LGR4: variants seen among roughly 807,000 people sequenced by gnomAD.
The protein encoded by LGR4 is leucine-rich repeat-containing G protein-coupled receptor 4.
In LGR4, 44 loss-of-function variants were observed where a neutral mutation model predicts 84.8. That is an observed-to-expected ratio of 0.52 (90% CI 0.41 to 0.67). The LOEUF is 0.67. Among genes scored for constraint, LGR4 ranks in the 30% least tolerant of loss-of-function variants. LGR4 has a pLI of 0.00. For missense variants in LGR4, 1,032 were observed against 1,131.4 expected (o/e 0.91, Z 1.26); for synonymous variants, 429 against 434.3 (o/e 0.99, Z 0.15).
In LGR4 at chr11:27,367,862, G is replaced by C. The variant is rs1398724526; in HGVS notation, c.*5C>G. 6.4e-7 allele frequency: 1 copy of C among 1,573,004 alleles called. No homozygotes were observed. Among genetic ancestry groups the C allele is most frequent in the Non-Finnish European group, 8.6e-7 (1 of 1,164,270 alleles). The stretch of plus-strand genomic sequence containing the variant: ...GACGGGGGAAACGGTTACACACACA[G>C]TAGTTCAGTCTTTAACTCTTGGTAG... On this transcript the variant is annotated 3_prime_UTR_variant, in exon 18 of 18. Transcript: ENST00000379214.
At chr11:27,446,735 C>T (rs1864396627) in intron 1 of LGR4, among the ~76,000 whole-genome samples, 1 of 152,088 alleles carries the variant, frequency 6.6e-6, no homozygotes, top group African/African-American at 2.4e-5. Flanking sequence ...CACATGCACA[C>T]GTATGTTTAT....
chr11:27,415,567 T>G lies in LGR4; in HGVS notation c.186-2707A>C, dbSNP rs551355387. Among the ~76,000 whole-genome samples the G allele has an allele frequency of 3.3e-5, 5 of 152,296 alleles. No individual in the cohort carries two copies. The South Asian group carries it at 1.0e-3, about 32-fold the overall frequency. ...GACTCCATATTTACAAACTAACATA[T>G]GTAAAACACACGGTGAGTTTTTATT... On this transcript the variant is annotated intron_variant, in intron 1 of 17. Coordinates refer to ENST00000379214, the MANE Select transcript of LGR4 (RefSeq NM_018490.5).
chr11:27,459,416 G>A (rs1864638419), intron 1 of LGR4, among the ~76,000 whole-genome samples: 1 of 152,076 alleles, frequency 6.6e-6, no homozygotes, highest in South Asian at 2.1e-4. Context: ...TCACAGCGGG[G>A]GGTTTTTCCT....
At chr11:27,404,337 C>T (rs1010197073) in intron 2 of LGR4, among the ~76,000 whole-genome samples, 2 of 152,168 alleles carry the variant, frequency 1.3e-5, no homozygotes, top group African/African-American at 4.8e-5. Context: ...CATCTTTCAT[C>T]ACCTTCGTTC....
At chr11:27,391,198 GT>G (rs1478742483) in intron 3 of LGR4, 33 bp from the exon 4 acceptor site, 1 of 1,081,982 alleles carries the variant, frequency 9.2e-7, no homozygotes, top group South Asian at 1.4e-5. Context: ...TGAGTAACAA[GT>G]GATAGTTACC....
intron 10 of LGR4, among the ~76,000 whole-genome samples, chr11:27,379,439 C>CT (rs1863050077): frequency 1.3e-5 from 2 of 152,220 alleles, no homozygotes; most frequent in African/African-American, 4.8e-5. Context: ...TCTCTAGTCT[C>CT]TTTCTCCTTA....
At chr11:27,465,926 T>TA (rs569769814) in intron 1 of LGR4, among the ~76,000 whole-genome samples, 2 of 152,256 alleles carry the variant, frequency 1.3e-5, no homozygotes, top group South Asian at 2.1e-4. Context: ...ATCAAGCTTT[T>TA]AAAAAACCAC....
At chr11:27,442,899 C>T (rs541250518) in intron 1 of LGR4, among the ~76,000 whole-genome samples, 36 of 152,274 alleles carry the variant, frequency 2.4e-4, no homozygotes, top group African/African-American at 7.2e-4. Context: ...GTATAAGGAG[C>T]TGTTCACAGC....
intron 1 of LGR4, among the ~76,000 whole-genome samples, chr11:27,459,148 A>C (rs1010504430): frequency 6.6e-6 from 1 of 152,226 alleles, no homozygotes; most frequent in Non-Finnish European, 1.5e-5. Flanking sequence ...TGATACCAAG[A>C]ACCATCAGAA....
At chr11:27,448,130 TG>T (rs898129168) in intron 1 of LGR4, among the ~76,000 whole-genome samples, 1 of 152,188 alleles carries the variant, frequency 6.6e-6, no homozygotes, top group African/African-American at 2.4e-5. Context: ...AAAATCATTT[TG>T]TTTCCATAAT....
At chr11:27,459,796 A>G (rs1254710214) in intron 1 of LGR4, among the ~76,000 whole-genome samples, 1 of 151,874 alleles carries the variant, frequency 6.6e-6, no homozygotes, top group Non-Finnish European at 1.5e-5. Context: ...TTAACACAGA[A>G]TAAGCACTGA....
intron 1 of LGR4, among the ~76,000 whole-genome samples, chr11:27,466,074 C>G (rs1331593445): frequency 6.6e-6 from 1 of 152,176 alleles, no homozygotes; most frequent in Non-Finnish European, 1.5e-5. Flanking sequence ...TAACATATTT[C>G]TCACTCCAAA....
intron 2 of LGR4, among the ~76,000 whole-genome samples, chr11:27,394,818 G>A (rs898156731): frequency 5.3e-5 from 8 of 151,964 alleles, no homozygotes; most frequent in Non-Finnish European, 7.4e-5. Flanking sequence ...ACAAGCTACC[G>A]TCTACTGGTT....
chr11:27,372,203 T>C (rs1181422607), intron 16 of LGR4, 80 bp downstream of exon 16: 1 of 881,440 alleles, frequency 1.1e-6, no homozygotes, highest in Admixed American at 1.8e-5. Context: ...CTATTGATCA[T>C]TCACAAAGTA....
At chr11:27,400,587 C>T (rs1863480439) in intron 2 of LGR4, among the ~76,000 whole-genome samples, 1 of 151,732 alleles carries the variant, frequency 6.6e-6, no homozygotes, top group Non-Finnish European at 1.5e-5. Flanking sequence ...ACTGCAACCT[C>T]TACCTCCCAG....
At position 27,391,159 on chromosome 11, in the gene LGR4, G is replaced by A. The variant is rs1281866104; in HGVS notation, c.336C>T (p.Leu112=). The change falls in exon 4 of 18, where the codon CTC becomes CTT. Residue 112 remains leucine (L), a synonymous_variant. Coordinates refer to ENST00000379214, the MANE Select transcript of LGR4 (RefSeq NM_018490.5). ...GTACTGTTTTCAACTGATTATTCTGGAGCGTTCTGAAAGAAAATTTTTGGT... is the reference window on the plus strand; with the variant it reads ...GTACTGTTTTCAACTGATTATTCTGAAGCGTTCTGAAAGAAAATTTTTGGT... ...SGLKELKVLT[L]QNNQLKTVPS... 2 of 1,595,400 alleles carry A rather than the reference G, an allele frequency of 1.3e-6. No homozygotes were observed. Among genetic ancestry groups the A allele is most frequent in the Non-Finnish European group, 1.7e-6 (2 of 1,171,086 alleles).
chr11:27,470,652 A>G (rs1864853113), intron 1 of LGR4, among the ~76,000 whole-genome samples: 1 of 152,016 alleles, frequency 6.6e-6, no homozygotes, highest in Non-Finnish European at 1.5e-5. Flanking sequence ...TTTATGAACA[A>G]AATGCTCTTC....
intron 1 of LGR4, among the ~76,000 whole-genome samples, chr11:27,433,694 T>C (rs1318354499): frequency 6.6e-6 from 1 of 152,248 alleles, no homozygotes; most frequent in African/African-American, 2.4e-5. Context: ...ATTCATTCTA[T>C]TCCTGTGCAA....
chr11:27,399,564 G>A (rs1460446345), intron 2 of LGR4, among the ~76,000 whole-genome samples: 1 of 150,838 alleles, frequency 6.6e-6, no homozygotes, highest in Non-Finnish European at 1.5e-5. Context: ...CTGTCTCCCA[G>A]GCTGGAGTGC....
Sources: gnomAD v4.1 joint callset for allele counts (sites outside exome capture counted in the v4.1 genomes callset) on GRCh38, gnomAD v4.1.1 for gene constraint, MANE v1.5 for transcripts, NCBI Gene and HGNC (gene_info 2026-07-23, HGNC 2026-07-21) for gene names.